The following SYMPK variants were observed in gnomAD, a reference collection of about 807,000 sequenced individuals.
The protein encoded by SYMPK is symplekin scaffold protein, also known as symplekin.
Under a neutral mutation model 136.4 loss-of-function variants are expected in SYMPK, and 49 were observed. That is an observed-to-expected ratio of 0.36 (90% CI 0.29 to 0.46). SYMPK has a LOEUF of 0.46. Ranked by LOEUF, SYMPK falls within the 20% of genes least tolerant of loss-of-function variation. SYMPK has a pLI of 1.00. For missense variants in SYMPK, 1,365 were observed against 1,690.0 expected (o/e 0.81, Z 3.37); for synonymous variants, 766 against 713.0 (o/e 1.07, Z -1.19).
Position 45,816,494 on chromosome 19 carries a change from C to T in SYMPK, c.3342G>A (p.Gly1114=), listed in dbSNP as rs779758171. The T allele has an allele frequency of 4.3e-6, 7 of 1,612,530 alleles. No individual in the cohort carries two copies. In the South Asian group the frequency reaches 7.7e-5, roughly 18 times the overall value. ...QEPEAKEAPA[G]PLEEDDLEPL... is the part of the protein sequence containing the mutation. The stretch of plus-strand genomic sequence containing the variant: ...GCAGGGCCCTCACCTCCTCCAAGGG[C>T]CCCGCAGGCGCCTCCTTGGCCTCTG... The change falls in exon 25 of 27, where the codon GGG becomes GGA. Residue 1114 remains glycine, a synonymous_variant. Coordinates refer to ENST00000245934, the MANE Select transcript of SYMPK (RefSeq NM_004819.3).
At chr19:45,838,706 G>C in intron 9 of SYMPK, 91 bp from the exon 10 acceptor site, 1 of 1,397,314 alleles carries the variant, frequency 7.2e-7, no homozygotes, top group South Asian at 1.4e-5. Context: ...CCTGCCTCTA[G>C]TCAGCCTCAG....
Position 45,825,266 on chromosome 19 carries a change from G to A in SYMPK, c.2395C>T (p.Pro799Ser). The change falls in exon 18 of 27, where the codon CCT (proline) becomes TCT (serine). Residue 799 changes from proline to serine, a missense_variant. Physicochemically the swap from Pro to Ser is moderately conservative, Grantham distance 74 (BLOSUM62 -1). Transcript: ENST00000245934. ...TCGTGGATCAGCTTGTGGTTCTGAG[G>A]CAGGAGGGCCAGGTAGAGGTACAGA... is the stretch of plus-strand genomic sequence containing the variant. Reference protein sequence around the residue: ...QCLYLYLALLPQNHKLIHELA... With the variant: ...QCLYLYLALLSQNHKLIHELA... 4.3e-6 allele frequency: 7 copies of A among 1,614,196 alleles called. No homozygotes were observed. Among genetic ancestry groups the A allele is most frequent in the Non-Finnish European group, 5.9e-6 (7 of 1,180,026 alleles).
At chr19:45,844,348 G>A (rs535905324) in intron 7 of SYMPK, 148 bp from the exon 8 acceptor site, 10 of 589,058 alleles carry the variant, frequency 1.7e-5, no homozygotes, top group Admixed American at 1.1e-4. Flanking sequence ...TGGTTGATTA[G>A]TTCTATGAGA....
intron 22 of SYMPK, among the ~76,000 whole-genome samples, chr19:45,818,712 G>A (rs898576053): frequency 1.3e-5 from 2 of 152,116 alleles, no homozygotes; most frequent in Non-Finnish European, 2.9e-5. Context: ...GCTGGGGCCG[G>A]GGCATACGAT....
At chr19:45,850,754 C>T (rs768342685) in intron 5 of SYMPK, among the ~76,000 whole-genome samples, 3 of 152,024 alleles carry the variant, frequency 2.0e-5, no homozygotes, top group Non-Finnish European at 4.4e-5. Context: ...GACAAAGTGG[C>T]CAGCAAGACA....
intron 25 of SYMPK, 83 bp from the exon 26 acceptor site, chr19:45,816,266 G>A: frequency 1.7e-6 from 2 of 1,170,356 alleles, no homozygotes; most frequent in Non-Finnish European, 2.3e-6. Flanking sequence ...ACCCTGAGGT[G>A]GTCTTTGAGT....
At chr19:45,862,208 T>C (rs1971983031) in intron 1 of SYMPK, among the ~76,000 whole-genome samples, 1 of 152,184 alleles carries the variant, frequency 6.6e-6, no homozygotes, top group Admixed American at 6.6e-5. Flanking sequence ...GGATGTATTA[T>C]AGTTTCTTTC....
intron 14 of SYMPK, chr19:45,828,442 C>T (rs1971096986): frequency 1.7e-5 from 3 of 180,156 alleles, no homozygotes; most frequent in Non-Finnish European, 3.5e-5. Context: ...CACATAAGGC[C>T]TCACTGGTCA....
chr19:45,857,191 G>A (rs938224968), intron 1 of SYMPK, among the ~76,000 whole-genome samples: 5 of 151,368 alleles, frequency 3.3e-5, no homozygotes, highest in Non-Finnish European at 5.9e-5. Context: ...GACGGATCAC[G>A]GAGGTCAGGA....
chr19:45,828,948 G>A (rs371286944), intron 14 of SYMPK, 22 bp downstream of exon 14: 1 of 1,608,806 alleles, frequency 6.2e-7, no homozygotes, highest in African/African-American at 1.3e-5. Context: ...GGGACAGGAG[G>A]GTGCAGGGTC....
In SYMPK at chr19:45,847,843, T is replaced by A; in HGVS notation, c.585A>T (p.Ser195=). The change falls in exon 7 of 27, where the codon TCA becomes TCT. Residue 195 remains serine, a synonymous_variant. Transcript: ENST00000245934. ...KFVEGLIVTL[S]PRMADSEIPR... is the part of the protein sequence containing the mutation. ...GTATCTCTGAGTCAGCCATGCGGGG[T>A]GACAGGGTGACAATGAGGCCCTCCA... 1 of 1,613,818 alleles carries A rather than the reference T, an allele frequency of 6.2e-7. No individual in the cohort carries two copies. Among genetic ancestry groups the A allele is most frequent in the South Asian group, 1.1e-5 (1 of 91,050 alleles).
intron 22 of SYMPK, 85 bp from the exon 23 acceptor site, chr19:45,818,231 T>C (rs1376968895): frequency 4.4e-6 from 6 of 1,371,402 alleles, no homozygotes; most frequent in Admixed American, 2.6e-5. Context: ...TGTCTGCCCA[T>C]GTGAGGGGAA....
chr19:45,816,643 C>T, intron 24 of SYMPK, 66 bp from the exon 25 acceptor site: 2 of 1,600,980 alleles, frequency 1.2e-6, no homozygotes, highest in Non-Finnish European at 1.7e-6. Flanking sequence ...TTGCACACCT[C>T]AGGTCCGGGG....
chr19:45,853,157 C>T (rs1971735263), intron 3 of SYMPK, among the ~76,000 whole-genome samples: 1 of 152,178 alleles, frequency 6.6e-6, no homozygotes, highest in Admixed American at 6.5e-5. Flanking sequence ...ATCCACTCCA[C>T]CTCGGAGGTG....
At position 45,848,818 on chromosome 19, in the gene SYMPK, C is replaced by T. The variant is rs759228213; in HGVS notation, c.358G>A (p.Asp120Asn). Reference protein sequence around the residue: ...LIANLNMLLRDENVNVVKKAI... With the variant: ...LIANLNMLLRNENVNVVKKAI... ...TTCTTCACCACGTTCACATTCTCGT[C>T]CCTCAAGAGCATGTTGAGGTTTGCA... The change falls in exon 6 of 27, where the codon GAC (aspartate) becomes AAC (asparagine). Residue 120 changes from aspartate (D) to asparagine (N), a missense_variant. Asp to Asn is a conservative substitution (Grantham distance 23). Transcript: ENST00000245934. The T allele has an allele frequency of 3.7e-6, 6 of 1,613,916 alleles. No homozygotes were observed. In the East Asian group the frequency reaches 1.3e-4, roughly 36 times the overall value.
intron 7 of SYMPK, among the ~76,000 whole-genome samples, chr19:45,847,262 A>G (rs1971584823): frequency 6.6e-6 from 1 of 151,984 alleles, no homozygotes; most frequent in Non-Finnish European, 1.5e-5. Context: ...ACTAAAAATA[A>G]TTTTTAAAAA....
intron 9 of SYMPK, among the ~76,000 whole-genome samples, chr19:45,842,040 T>C (rs1302210039): frequency 6.6e-6 from 1 of 152,150 alleles, no homozygotes; most frequent in Non-Finnish European, 1.5e-5. Context: ...TTTTGCCATG[T>C]TGCCTAGGTT....
intron 5 of SYMPK, 110 bp downstream of exon 5, chr19:45,852,202 G>A: frequency 1.8e-5 from 20 of 1,093,340 alleles, no homozygotes; most frequent in Non-Finnish European, 2.8e-5. Context: ...AGAGAGAAAG[G>A]GTCTGGGAAG....
chr19:45,817,871 CT>C, intron 23 of SYMPK, 87 bp downstream of exon 23: 1 of 1,381,696 alleles, frequency 7.2e-7, no homozygotes, highest in Non-Finnish European at 9.7e-7. Flanking sequence ...ACCGGGCTCC[CT>C]CCGGGGTCAG....
Sources: allele counts gnomAD v4.1 joint callset (sites outside exome capture counted in the v4.1 genomes callset), GRCh38; gene constraint gnomAD v4.1.1; transcripts MANE v1.5; gene names NCBI Gene and HGNC (gene_info 2026-07-23, HGNC 2026-07-21).